CSGALNACT1: variants seen among roughly 807,000 people sequenced by gnomAD.
CSGALNACT1 encodes beta4GalNAcT-1.
Under a neutral mutation model 51.0 loss-of-function variants are expected in CSGALNACT1, and 52 were observed. The observed-to-expected ratio is 1.02, with a 90% CI of 0.82 to 1.29. The LOEUF (loss-of-function observed/expected upper bound fraction) is 1.29, where lower values mean the gene tolerates loss of function less well. Among genes scored for constraint, CSGALNACT1 ranks in the 50% most tolerant of loss-of-function variants. The probability of loss-of-function intolerance (pLI) is 0.00; values close to 1 mark genes in which losing one functional copy is unlikely to be tolerated. For synonymous variants in CSGALNACT1, 341 were observed against 254.4 expected, an observed-to-expected ratio of 1.34 and a Z score of -3.24; for missense variants, 935 against 679.2, an observed-to-expected ratio of 1.38 and a Z score of -4.19.
chr8:19,699,275 C>G (rs928289284), intron 1 of CSGALNACT1, among the ~76,000 whole-genome samples: 3 of 152,082 alleles, frequency 2.0e-5, no homozygotes, highest in Non-Finnish European at 4.4e-5. Flanking sequence ...GATGCAGAAC[C>G]CACAAGGCCA....
intron 4 of CSGALNACT1, among the ~76,000 whole-genome samples, chr8:19,470,599 A>G (rs2067911536): frequency 6.6e-6 from 1 of 152,150 alleles, no homozygotes; most frequent in African/African-American, 2.4e-5. Context: ...GTTAACAGGT[A>G]GCTGGGCATG....
intron 1 of CSGALNACT1, among the ~76,000 whole-genome samples, chr8:19,680,711 T>C (rs1057099153): frequency 6.6e-6 from 1 of 152,112 alleles, no homozygotes; most frequent in Non-Finnish European, 1.5e-5. Context: ...ATGACTGTGA[T>C]AGGTCTGAGA....
intron 3 of CSGALNACT1, among the ~76,000 whole-genome samples, chr8:19,525,615 C>CGA (rs2081511901): frequency 4.9e-5 from 1 of 20,362 alleles, no homozygotes; most frequent in African/African-American, 1.6e-4. Context: ...AAACTTGTCC[C>CGA]AAAAAAAAAA....
chr8:19,469,525 G>A (rs2067592088), intron 4 of CSGALNACT1, among the ~76,000 whole-genome samples: 1 of 152,134 alleles, frequency 6.6e-6, no homozygotes, highest in African/African-American at 2.4e-5. Context: ...AAATGATAAG[G>A]GATGAAGGGG....
At chr8:19,436,453 C>A (rs1325814289) in intron 6 of CSGALNACT1, among the ~76,000 whole-genome samples, 3 of 152,022 alleles carry the variant, frequency 2.0e-5, no homozygotes, top group Non-Finnish European at 4.4e-5. Context: ...TGAAGTAGAG[C>A]CCAAAACAGT....
At chr8:19,507,890 G>A (rs1294320104) in intron 3 of CSGALNACT1, among the ~76,000 whole-genome samples, 3 of 152,242 alleles carry the variant, frequency 2.0e-5, no homozygotes, top group Non-Finnish European at 4.4e-5. Flanking sequence ...GCCTCCCAAA[G>A]TGCTGGGATT....
At chr8:19,583,539 C>T (rs1050160752) in intron 3 of CSGALNACT1, among the ~76,000 whole-genome samples, 4 of 152,176 alleles carry the variant, frequency 2.6e-5, no homozygotes, top group Non-Finnish European at 5.9e-5. Context: ...TCCATTCTAA[C>T]TGACACTCTC....
intron 5 of CSGALNACT1, among the ~76,000 whole-genome samples, chr8:19,451,781 C>A (rs568305602): frequency 6.3e-4 from 96 of 152,244 alleles, no homozygotes; most frequent in Admixed American, 1.8e-3. Context: ...AAATAATTAA[C>A]AAATTGATGC....
At chr8:19,725,502 G>A (rs1224210945) in intron 1 of CSGALNACT1, among the ~76,000 whole-genome samples, 1 of 141,054 alleles carries the variant, frequency 7.1e-6, no homozygotes, top group Non-Finnish European at 1.5e-5. Context: ...TCGGCTCACT[G>A]AAACCTCTGC....
chr8:19,542,240 G>A (rs1052134427), intron 3 of CSGALNACT1, among the ~76,000 whole-genome samples: 2 of 110,402 alleles, frequency 1.8e-5, no homozygotes, highest in African/African-American at 7.7e-5. Flanking sequence ...CACACACAGG[G>A]TTATTATTCA....
intron 1 of CSGALNACT1, among the ~76,000 whole-genome samples, chr8:19,704,987 A>C (rs1468968461): frequency 3.3e-5 from 5 of 152,250 alleles, no homozygotes; most frequent in African/African-American, 1.2e-4. Context: ...TTCCATTACA[A>C]GATGAATAAG....
At chr8:19,648,075 A>C (rs967290155) in intron 1 of CSGALNACT1, among the ~76,000 whole-genome samples, 1 of 152,196 alleles carries the variant, frequency 6.6e-6, no homozygotes, top group African/African-American at 2.4e-5. Context: ...TCAATATCTC[A>C]AGAATACTTT....
At chr8:19,633,066 C>A (rs1262015461) in intron 1 of CSGALNACT1, among the ~76,000 whole-genome samples, 1 of 151,930 alleles carries the variant, frequency 6.6e-6, no homozygotes, top group Admixed American at 6.6e-5. Flanking sequence ...GCTGAGCCAC[C>A]GTGCCCAGCT....
At chr8:19,619,521 A>T (rs760881613) in intron 1 of CSGALNACT1, among the ~76,000 whole-genome samples, 2 of 152,056 alleles carry the variant, frequency 1.3e-5, no homozygotes, top group Admixed American at 6.6e-5. Context: ...GGAGGTGTGG[A>T]AACAAGCAGA....
chr8:19,711,147 G>A (rs1011478286), intron 1 of CSGALNACT1, among the ~76,000 whole-genome samples: 1 of 151,998 alleles, frequency 6.6e-6, no homozygotes, highest in Non-Finnish European at 1.5e-5. Context: ...TGTCTTTAAA[G>A]GATAATTCAT....
Position 19,660,679 on chromosome 8 carries a change from C to T in CSGALNACT1, c.-544+21794G>A, listed in dbSNP as rs575378567. Among the ~76,000 whole-genome samples, 56 of 152,264 alleles carry T rather than the reference C, an allele frequency of 3.7e-4. No homozygotes were observed. In the South Asian group the frequency reaches 9.1e-3, roughly 25 times the overall value. On this transcript the variant is annotated intron_variant, in intron 1 of 9. Transcript: ENST00000332246. ...AACACTCCCCTCTTACTCACAAAAG[C>T]TCCAGTTGTTACAGGCACATTCTCA...
intron 1 of CSGALNACT1, among the ~76,000 whole-genome samples, chr8:19,611,355 C>T (rs1013466912): frequency 2.6e-5 from 4 of 152,102 alleles, no homozygotes; most frequent in Admixed American, 6.5e-5. Flanking sequence ...CCACCACACC[C>T]GGTTTAAGGT....
intron 1 of CSGALNACT1, among the ~76,000 whole-genome samples, chr8:19,617,945 T>C (rs1405530391): frequency 2.0e-5 from 3 of 152,178 alleles, no homozygotes; most frequent in African/African-American, 7.2e-5. Context: ...AGTGGTGTGA[T>C]CATAGTTCAC....
At chr8:19,524,930 G>A (rs1313807496) in intron 3 of CSGALNACT1, among the ~76,000 whole-genome samples, 1 of 152,188 alleles carries the variant, frequency 6.6e-6, no homozygotes, top group East Asian at 1.9e-4. Context: ...CACAGAGAGA[G>A]AGAGACAGAG....
Sources: gnomAD v4.1 joint callset for allele counts (sites outside exome capture counted in the v4.1 genomes callset) on GRCh38, gnomAD v4.1.1 for gene constraint, MANE v1.5 for transcripts, NCBI Gene and HGNC (gene_info 2026-07-23, HGNC 2026-07-21) for gene names.